ADAM12: variants seen among roughly 807,000 people sequenced by gnomAD.
The protein encoded by ADAM12 is ADAM metallopeptidase domain 12, also known as disintegrin and metalloproteinase domain-containing protein 12.
A neutral mutation model predicts 106.4 loss-of-function variants in ADAM12; 70 were observed. That is an observed-to-expected ratio of 0.66 (90% CI 0.54 to 0.80). The LOEUF is 0.80. ADAM12 is among the 30% of genes least tolerant of loss of function. The pLI is 0.00. For synonymous variants in ADAM12, 420 were observed against 433.5 expected, an observed-to-expected ratio of 0.97 and a Z score of 0.39; for missense variants, 1,010 against 1,171.9, an observed-to-expected ratio of 0.86 and a Z score of 2.02.
intron 1 of ADAM12, among the ~76,000 whole-genome samples, chr10:126,387,587 C>A (rs1430942453): frequency 6.6e-6 from 1 of 152,062 alleles, no homozygotes; most frequent in Non-Finnish European, 1.5e-5. Context: ...GCCTCACCTG[C>A]GGGGCCGCTG....
Position 126,043,236 on chromosome 10 carries a change from C to G in ADAM12, c.1996-88G>C, listed in dbSNP as rs771017412. 3.2e-5 allele frequency: 37 copies of G among 1,168,932 alleles called. No homozygotes were observed. The highest frequency in any genetic ancestry group is 2.0e-4 in the Middle Eastern group (1 of 4,986). The allele number at this position is 1,168,932 out of a possible 1,614,324, so 72.4% of individuals were successfully genotyped here. On this transcript the variant is annotated intron_variant, in intron 17 of 22. Transcript: ENST00000448723. This position sits in a 1 kb window ranked among gnomAD's most constrained non-coding sequence, Gnocchi z 4.1. ...AAGCAAGGGGGGCCATGGTCAGAGCCCCCCCCCAACACTGACACAGCCAGA... is the reference window on the plus strand; with the variant it reads ...AAGCAAGGGGGGCCATGGTCAGAGCGCCCCCCCAACACTGACACAGCCAGA...
intron 3 of ADAM12, among the ~76,000 whole-genome samples, chr10:126,162,328 C>T (rs753469009): frequency 1.3e-5 from 2 of 151,982 alleles, no homozygotes; most frequent in Admixed American, 6.6e-5. Context: ...AGCATTCCAG[C>T]GAGAGGGGAC....
At chr10:126,149,275 G>A (rs553344810) in intron 4 of ADAM12, among the ~76,000 whole-genome samples, 2 of 152,296 alleles carry the variant, frequency 1.3e-5, no homozygotes, top group East Asian at 3.9e-4. Flanking sequence ...TTCCATCCGG[G>A]CTGTTTACTA....
In ADAM12 at chr10:126,046,133, C is replaced by A. The variant is rs1365970807; in HGVS notation, c.1918-1G>T. 6.2e-7 allele frequency: 1 copy of A among 1,613,708 alleles called. No homozygotes were observed. The highest frequency in any genetic ancestry group is 8.5e-7 in the Non-Finnish European group (1 of 1,179,574). ...TTTGACATTGACGATTCAGGCAGAT[C>A]TGTAGGAGGAGGAAAACACAGCAAA... is the stretch of plus-strand genomic sequence containing the variant. On this transcript the variant is annotated splice_acceptor_variant, in intron 16 of 22. Coordinates refer to ENST00000448723, the MANE Select transcript of ADAM12 (RefSeq NM_001288973.2). LOFTEE classifies it high-confidence loss of function.
intron 2 of ADAM12, among the ~76,000 whole-genome samples, chr10:126,285,228 A>G (rs573297701): frequency 5.9e-4 from 90 of 152,364 alleles, no homozygotes; most frequent in African/African-American, 2.1e-3. Context: ...GAAGCATTAT[A>G]ATTTGGAGGC....
At chr10:126,094,576 C>G (rs976083674) in intron 10 of ADAM12, among the ~76,000 whole-genome samples, 1 of 152,176 alleles carries the variant, frequency 6.6e-6, no homozygotes, top group Admixed American at 6.5e-5. Flanking sequence ...GGTGCAAGCA[C>G]GCTTAATGAC....
chr10:126,245,691 C>T (rs566455723), intron 3 of ADAM12, among the ~76,000 whole-genome samples: 5 of 152,188 alleles, frequency 3.3e-5, no homozygotes, highest in Non-Finnish European at 5.9e-5. Flanking sequence ...TTGGGAGCAC[C>T]AGGAAAAAGT....
intron 1 of ADAM12, among the ~76,000 whole-genome samples, chr10:126,386,497 T>C (rs974940010): frequency 1.3e-5 from 2 of 152,210 alleles, no homozygotes. Context: ...TATATCACAA[T>C]AGGTAACCCA....
intron 8 of ADAM12, among the ~76,000 whole-genome samples, chr10:126,102,246 C>T (rs1955682696): frequency 6.6e-6 from 1 of 152,118 alleles, no homozygotes. Context: ...CATGGTGTCA[C>T]CTGGTGGGCT....
intron 6 of ADAM12, among the ~76,000 whole-genome samples, chr10:126,114,931 A>T (rs542960915): frequency 2.4e-4 from 37 of 152,190 alleles, no homozygotes; most frequent in Non-Finnish European, 4.6e-4. Flanking sequence ...AACTCTCATT[A>T]GGCTCTACAT....
intron 5 of ADAM12, among the ~76,000 whole-genome samples, chr10:126,129,986 T>A (rs1186529612): frequency 6.6e-6 from 1 of 152,228 alleles, no homozygotes; most frequent in African/African-American, 2.4e-5. Context: ...TTTGTGATCC[T>A]GTGTTTTTGA....
At chr10:126,316,843 T>C (rs892908794) in intron 2 of ADAM12, among the ~76,000 whole-genome samples, 10 of 150,912 alleles carry the variant, frequency 6.6e-5, no homozygotes, top group African/African-American at 2.2e-4. Flanking sequence ...TAAAATAGCA[T>C]TTTCCAAGTG....
chr10:126,062,625 C>T (rs375201028), intron 14 of ADAM12, among the ~76,000 whole-genome samples: 2 of 152,208 alleles, frequency 1.3e-5, no homozygotes, highest in Non-Finnish European at 2.9e-5. Flanking sequence ...ATCAGAGGCA[C>T]ACAGCCAGCT....
intron 3 of ADAM12, among the ~76,000 whole-genome samples, chr10:126,246,592 A>G (rs1958634880): frequency 6.6e-6 from 1 of 152,236 alleles, no homozygotes; most frequent in African/African-American, 2.4e-5. Flanking sequence ...ATGCAAAACA[A>G]TAGATGTGAT....
intron 14 of ADAM12, among the ~76,000 whole-genome samples, chr10:126,058,385 G>A (rs1333174288): frequency 2.0e-5 from 3 of 152,210 alleles, no homozygotes; most frequent in Admixed American, 1.3e-4. Context: ...GTAAATGAAC[G>A]CTGTCTGCTG....
intron 1 of ADAM12, among the ~76,000 whole-genome samples, chr10:126,341,856 T>C (rs1430193899): frequency 6.6e-6 from 1 of 152,172 alleles, no homozygotes; most frequent in Non-Finnish European, 1.5e-5. Flanking sequence ...ACTCGGTTAG[T>C]TTTTGAAGGT....
chr10:126,221,288 G>A (rs1458755506), intron 3 of ADAM12, among the ~76,000 whole-genome samples: 1 of 151,618 alleles, frequency 6.6e-6, no homozygotes, highest in Non-Finnish European at 1.5e-5. Flanking sequence ...GCAGTCTGAG[G>A]CAGCAGAATC....
chr10:126,357,110 A>G (rs1057135494), intron 1 of ADAM12, among the ~76,000 whole-genome samples: 3 of 152,222 alleles, frequency 2.0e-5, no homozygotes, highest in African/African-American at 7.2e-5. Flanking sequence ...TCCTGAAAGC[A>G]CAGAAGTTTC....
intron 1 of ADAM12, among the ~76,000 whole-genome samples, chr10:126,367,336 A>G (rs1223501450): frequency 6.6e-6 from 1 of 152,012 alleles, no homozygotes; most frequent in Non-Finnish European, 1.5e-5. Context: ...GAAAAAAATT[A>G]TGAAAGAATT....
Sources: allele counts gnomAD v4.1 joint callset (sites outside exome capture counted in the v4.1 genomes callset), GRCh38; gene constraint gnomAD v4.1.1; non-coding constraint Gnocchi (gnomAD v3.1); transcripts MANE v1.5; gene names NCBI Gene and HGNC (gene_info 2026-07-23, HGNC 2026-07-21).